Variants in AAK1 observed in about 807,000 individuals in gnomAD.
AAK1 encodes the protein AP2-associated protein kinase 1.
In AAK1, 37 loss-of-function variants were observed where a neutral mutation model predicts 116.0. The observed-to-expected ratio is 0.32, with a 90% CI of 0.25 to 0.42. The LOEUF is 0.42. Ranked by LOEUF, AAK1 falls within the 10% of genes least tolerant of loss-of-function variation. The probability of loss-of-function intolerance (pLI) is 1.00; values close to 1 mark genes in which losing one functional copy is unlikely to be tolerated. For synonymous variants in AAK1, 458 were observed against 439.9 expected (o/e 1.04, Z -0.51); for missense variants, 919 against 1,170.6 (o/e 0.79, Z 3.14).
At chr2:69,490,923 CCACACACACA>C (rs58662760) in intron 17 of AAK1, among the ~76,000 whole-genome samples, 8 of 147,732 alleles carry the variant, frequency 5.4e-5, no homozygotes, top group African/African-American at 2.0e-4. Context: ...GTGTGTGTAC[CCACACACACA>C]CACACACACA....
rs958301301 is a variant in AAK1, at chr2:69,467,278, G to A, written c.*8591C>T. The A allele has an allele frequency of 1.0e-6, 1 of 985,308 alleles. No individual in the cohort carries two copies. The highest frequency in any genetic ancestry group is 1.7e-5 in the African/African-American group (1 of 57,236). 61.0% of individuals were successfully genotyped at this position (985,308 alleles called of 1,614,324 possible). A position where few individuals can be genotyped will look rare whatever the true frequency, so the allele number is the denominator to read the frequency against. On this transcript the variant is annotated 3_prime_UTR_variant, in exon 22 of 22. Transcript: ENST00000409085. ...CTGCCATAAAGTTCTTTAAGCAGAA[G>A]GAGTAAAATGCATGGGCCATTACAG...
chr2:69,615,347 G>C (rs1461687500), intron 2 of AAK1, among the ~76,000 whole-genome samples: 1 of 152,228 alleles, frequency 6.6e-6, no homozygotes. Flanking sequence ...CAGAGGATGG[G>C]AGGCAGGGTA....
intron 2 of AAK1, among the ~76,000 whole-genome samples, chr2:69,630,528 T>C (rs1045172864): frequency 6.6e-6 from 1 of 152,232 alleles, no homozygotes; most frequent in Non-Finnish European, 1.5e-5. Flanking sequence ...CACCAGTCAC[T>C]GTGTGAAGTG....
intron 10 of AAK1, among the ~76,000 whole-genome samples, chr2:69,523,681 A>G (rs1193911717): frequency 6.6e-6 from 1 of 152,224 alleles, no homozygotes; most frequent in Non-Finnish European, 1.5e-5. Flanking sequence ...GGGAGCATAA[A>G]ACCCCAATGC....
intron 2 of AAK1, among the ~76,000 whole-genome samples, chr2:69,557,484 G>A (rs1199511313): frequency 6.6e-6 from 1 of 151,902 alleles, no homozygotes; most frequent in Non-Finnish European, 1.5e-5. Flanking sequence ...ATACTTTTTT[G>A]TAGAGAAGTG....
In AAK1 at chr2:69,474,442, G is replaced by A. The variant is rs1217688847; in HGVS notation, c.*1427C>T. On this transcript the variant is annotated 3_prime_UTR_variant, in exon 22 of 22. Coordinates refer to ENST00000409085, the MANE Select transcript of AAK1 (RefSeq NM_014911.5). ...ACTTTAATGAGTAAGTACATATAGA[G>A]AGGGTGACCATGAGGCATGTTGTCA... 4 of 985,622 alleles carry A rather than the reference G, an allele frequency of 4.1e-6. No individual in the cohort carries two copies. The African/African-American group carries it at 5.2e-5, about 13-fold the overall frequency. The allele number at this position is 985,622 out of a possible 1,614,324, so 61.1% of individuals were successfully genotyped here.
rs1387066535 is a variant in AAK1 at position 69,472,495 on chromosome 2, T to C, written c.*3374A>G. The C allele has an allele frequency of 1.7e-6, 1 of 578,482 alleles. No homozygotes were observed. The highest frequency in any genetic ancestry group is 2.2e-6 in the Non-Finnish European group (1 of 458,398). 35.8% of individuals were successfully genotyped at this position (578,482 alleles called of 1,614,324 possible). ...ACTTCTTAAGTAAAACTAGATGACATTGAGGGGAACAACACTTAATTAGAT... is the reference window on the plus strand; with the variant it reads ...ACTTCTTAAGTAAAACTAGATGACACTGAGGGGAACAACACTTAATTAGAT... On this transcript the variant is annotated 3_prime_UTR_variant, in exon 22 of 22. Transcript: ENST00000409085.
At chr2:69,548,599 CCCTT>C (rs750975736) in intron 3 of AAK1, among the ~76,000 whole-genome samples, 6 of 139,252 alleles carry the variant, frequency 4.3e-5, no homozygotes, top group Admixed American at 2.3e-4. Context: ...CTTTTTCTTC[CCCTT>C]CCTTCCTTCC....
At chr2:69,557,972 C>T (rs573108106) in intron 2 of AAK1, among the ~76,000 whole-genome samples, 60 of 152,236 alleles carry the variant, frequency 3.9e-4, no homozygotes, top group Non-Finnish European at 8.1e-4. Flanking sequence ...ATACACAAGG[C>T]AAGTATGACA....
chr2:69,514,627 TTGTTGCTGC>T lies in AAK1; in HGVS notation c.1611_1619del (p.Gln544_Gln546del). On this transcript the variant is annotated inframe_deletion, in exon 13 of 22. Coordinates refer to ENST00000409085, the MANE Select transcript of AAK1 (RefSeq NM_014911.5). ...TGGCCAGCTGTTGCTGTTGCTGTTG[TTGTTGCTGC>T]TGCTGCTGCTGCTGGTAGAAATTCT... 2 of 1,598,226 alleles carry T rather than the reference TTGTTGCTGC, an allele frequency of 1.3e-6. No individual in the cohort carries two copies. Among genetic ancestry groups the T allele is most frequent in the Non-Finnish European group, 1.7e-6 (2 of 1,170,642 alleles).
intron 2 of AAK1, among the ~76,000 whole-genome samples, chr2:69,622,485 G>C (rs1439563095): frequency 6.6e-6 from 1 of 152,250 alleles, no homozygotes; most frequent in Non-Finnish European, 1.5e-5. Context: ...GATCCACTGG[G>C]TGAAGCCAGC....
At chr2:69,569,059 T>C (rs1232903076) in intron 2 of AAK1, among the ~76,000 whole-genome samples, 1 of 152,174 alleles carries the variant, frequency 6.6e-6, no homozygotes, top group Non-Finnish European at 1.5e-5. Flanking sequence ...CCTCTTTTCT[T>C]ACTGAAAAAC....
intron 2 of AAK1, among the ~76,000 whole-genome samples, chr2:69,566,100 A>T (rs1671854892): frequency 6.6e-6 from 1 of 152,228 alleles, no homozygotes; most frequent in African/African-American, 2.4e-5. Context: ...CCATGGTGAG[A>T]ACTTGGGTGC....
chr2:69,473,454 T>G lies in AAK1; in HGVS notation c.*2415A>C, dbSNP rs1173954932. 3.0e-6 allele frequency: 3 copies of G among 985,314 alleles called. No homozygotes were observed. The East Asian group carries it at 3.4e-4, about 112-fold the overall frequency. The allele number at this position is 985,314 out of a possible 1,614,324, so 61.0% of individuals were successfully genotyped here. ...GTGTTCCTTAACAGAAAAATAGTTC[T>G]CCCCTTTGAGGAGGCCTTACTCTAA... On this transcript the variant is annotated 3_prime_UTR_variant, in exon 22 of 22. Coordinates refer to ENST00000409085, the MANE Select transcript of AAK1 (RefSeq NM_014911.5).
intron 16 of AAK1, among the ~76,000 whole-genome samples, chr2:69,500,688 TATATATATATAC>T (rs1407722477): frequency 2.0e-4 from 22 of 112,152 alleles, no homozygotes; most frequent in South Asian, 1.7e-3. Flanking sequence ...TATATATATA[TATATATATATAC>T]ACACACACAC....
intron 10 of AAK1, among the ~76,000 whole-genome samples, chr2:69,523,523 T>C (rs1336161640): frequency 2.0e-5 from 3 of 152,210 alleles, no homozygotes; most frequent in Non-Finnish European, 4.4e-5. Context: ...CCATCCAGGG[T>C]ACTTTGTTGA....
At chr2:69,603,374 AG>A (rs1472565694) in intron 2 of AAK1, among the ~76,000 whole-genome samples, 2 of 152,100 alleles carry the variant, frequency 1.3e-5, no homozygotes, top group African/African-American at 2.4e-5. Context: ...CAAGAAACAG[AG>A]GAGAGAGAGA....
At chr2:69,579,587 A>C (rs936299818) in intron 2 of AAK1, among the ~76,000 whole-genome samples, 2 of 152,190 alleles carry the variant, frequency 1.3e-5, no homozygotes, top group Non-Finnish European at 2.9e-5. Context: ...ACCATGTCTA[A>C]AATAAAGAAT....
chr2:69,551,930 G>A (rs934423073), intron 3 of AAK1, among the ~76,000 whole-genome samples: 4 of 152,192 alleles, frequency 2.6e-5, no homozygotes, highest in Non-Finnish European at 4.4e-5. Flanking sequence ...CAACGTGCCC[G>A]TTGTTCTGCC....
Sources: allele counts gnomAD v4.1 joint callset (sites outside exome capture counted in the v4.1 genomes callset), GRCh38; gene constraint gnomAD v4.1.1; transcripts MANE v1.5; gene names NCBI Gene and HGNC (gene_info 2026-07-23, HGNC 2026-07-21).